FAF1: variants seen among roughly 807,000 people sequenced by gnomAD.
FAF1 encodes the protein FAS-associated factor 1.
In FAF1, 25 loss-of-function variants were observed where a neutral mutation model predicts 92.5. The ratio of observed to expected loss-of-function variants is 0.27; its 90% CI spans 0.20 to 0.38. The LOEUF is 0.38. Ranked by LOEUF, FAF1 falls within the 10% of genes least tolerant of loss-of-function variation. FAF1 has a pLI of 1.00. For synonymous variants in FAF1, 234 were observed against 273.2 expected, an observed-to-expected ratio of 0.86 and a Z score of 1.42; for missense variants, 636 against 793.3, an observed-to-expected ratio of 0.80 and a Z score of 2.38.
At chr1:50,917,166 G>A (rs1286865021) in intron 1 of FAF1, among the ~76,000 whole-genome samples, 1 of 152,192 alleles carries the variant, frequency 6.6e-6, no homozygotes, top group African/African-American at 2.4e-5. Flanking sequence ...CATTCAAAAG[G>A]TTTTGGTTCC....
chr1:50,685,433 TAGTATAGTTA>T (rs1656616079), intron 7 of FAF1, among the ~76,000 whole-genome samples: 1 of 152,136 alleles, frequency 6.6e-6, no homozygotes, highest in African/African-American at 2.4e-5. Context: ...GTATATAGTA[TAGTATAGTTA>T]ATGGATGAAA....
chr1:50,666,630 C>A (rs1557464472), intron 7 of FAF1, among the ~76,000 whole-genome samples: 1 of 152,140 alleles, frequency 6.6e-6, no homozygotes, highest in Non-Finnish European at 1.5e-5. Flanking sequence ...CGCCTGTAAT[C>A]CCAACACTTT....
intron 12 of FAF1, among the ~76,000 whole-genome samples, chr1:50,575,643 C>T (rs1278567785): frequency 6.6e-6 from 1 of 152,080 alleles, no homozygotes; most frequent in Non-Finnish European, 1.5e-5. Flanking sequence ...AGTCTTATTT[C>T]ACACATGTGC....
At chr1:50,718,486 T>C (rs938954398) in intron 6 of FAF1, among the ~76,000 whole-genome samples, 6 of 152,364 alleles carry the variant, frequency 3.9e-5, no homozygotes, top group Middle Eastern at 6.8e-3. Flanking sequence ...TATAAAGTAC[T>C]AACATCAATA....
At chr1:50,846,047 C>T (rs1342191008) in intron 2 of FAF1, among the ~76,000 whole-genome samples, 4 of 151,964 alleles carry the variant, frequency 2.6e-5, no homozygotes, top group African/African-American at 4.8e-5. Context: ...TCACTTGAAC[C>T]CAGGAGATGG....
intron 18 of FAF1, among the ~76,000 whole-genome samples, chr1:50,456,390 C>G (rs1646353012): frequency 6.6e-6 from 1 of 152,092 alleles, no homozygotes; most frequent in Non-Finnish European, 1.5e-5. Context: ...TCCTGCCATG[C>G]CTCCTCCCCC....
chr1:50,885,064 C>T (rs977474192), intron 1 of FAF1, among the ~76,000 whole-genome samples: 1 of 152,152 alleles, frequency 6.6e-6, no homozygotes, highest in Non-Finnish European at 1.5e-5. Context: ...CATATAGTTG[C>T]TCTGAGTAGT....
intron 8 of FAF1, among the ~76,000 whole-genome samples, chr1:50,619,977 C>T (rs527954001): frequency 2.0e-5 from 3 of 149,608 alleles, no homozygotes; most frequent in African/African-American, 7.4e-5. Flanking sequence ...GGCACAATCT[C>T]GGCTCACTGC....
chr1:50,785,602 C>T (rs1359270069), intron 4 of FAF1, among the ~76,000 whole-genome samples: 3 of 147,612 alleles, frequency 2.0e-5, no homozygotes, highest in African/African-American at 7.6e-5. Flanking sequence ...TTTAGGATGG[C>T]TACTATACAA....
chr1:50,870,992 G>A (rs945438968), intron 1 of FAF1, among the ~76,000 whole-genome samples: 8 of 152,172 alleles, frequency 5.3e-5, no homozygotes, highest in Non-Finnish European at 7.3e-5. Context: ...GGGAAATTAC[G>A]TGTTACTCTA....
At chr1:50,540,470 T>G (rs1233637837) in intron 13 of FAF1, among the ~76,000 whole-genome samples, 1 of 152,232 alleles carries the variant, frequency 6.6e-6, no homozygotes, top group Non-Finnish European at 1.5e-5. Context: ...TTTACAATTA[T>G]GTTTTCTCCA....
intron 12 of FAF1, among the ~76,000 whole-genome samples, chr1:50,582,196 T>C (rs999058359): frequency 6.6e-6 from 1 of 152,138 alleles, no homozygotes; most frequent in Non-Finnish European, 1.5e-5. Context: ...AATACAAATA[T>C]GTAGCTTGGT....
At chr1:50,830,953 C>T (rs996923407) in intron 2 of FAF1, among the ~76,000 whole-genome samples, 4 of 152,098 alleles carry the variant, frequency 2.6e-5, no homozygotes, top group African/African-American at 9.7e-5. Context: ...TGAAAATATA[C>T]TTGACCCATC....
chr1:50,523,429 T>C (rs964675961), intron 15 of FAF1, among the ~76,000 whole-genome samples: 1 of 152,198 alleles, frequency 6.6e-6, no homozygotes, highest in Non-Finnish European at 1.5e-5. Context: ...TAAATTCTTA[T>C]GTTCCATTTT....
chr1:50,955,843 T>C (rs1052772707), intron 1 of FAF1, among the ~76,000 whole-genome samples: 7 of 152,206 alleles, frequency 4.6e-5, no homozygotes, highest in Non-Finnish European at 7.3e-5. Flanking sequence ...CTAACATATA[T>C]GACTCTTGGG....
intron 13 of FAF1, among the ~76,000 whole-genome samples, chr1:50,547,525 C>T (rs553804752): frequency 1.3e-5 from 2 of 152,068 alleles, no homozygotes; most frequent in South Asian, 2.1e-4. Flanking sequence ...AGTGATTCTC[C>T]TGCCTCAGCC....
chr1:50,841,565 C>T (rs902100358), intron 2 of FAF1, among the ~76,000 whole-genome samples: 1 of 151,616 alleles, frequency 6.6e-6, no homozygotes, highest in Admixed American at 6.6e-5. Flanking sequence ...CAGGATAAAC[C>T]AAGCTTTTTT....
chr1:50,781,708 C>G (rs1188254032), intron 4 of FAF1, among the ~76,000 whole-genome samples: 1 of 152,200 alleles, frequency 6.6e-6, no homozygotes, highest in African/African-American at 2.4e-5. Context: ...AATACACACT[C>G]TTCTCAAGTG....
chr1:50,654,885 C>G (rs1250753587), intron 8 of FAF1, among the ~76,000 whole-genome samples: 1 of 152,046 alleles, frequency 6.6e-6, no homozygotes, highest in Non-Finnish European at 1.5e-5. Context: ...GAATGTTGAC[C>G]TGCTTGGCTT....
Sources: allele counts gnomAD v4.1 joint callset (sites outside exome capture counted in the v4.1 genomes callset), GRCh38; gene constraint gnomAD v4.1.1; transcripts MANE v1.5; gene names NCBI Gene and HGNC (gene_info 2026-07-23, HGNC 2026-07-21).